Variants in BRINP2 observed in about 807,000 individuals in gnomAD.
BRINP2 encodes BMP/retinoic acid inducible neural specific 2.
BRINP2 carries 21 observed loss-of-function variants against 69.2 expected under a neutral mutation model. The observed-to-expected ratio is 0.30, with a 90% CI of 0.22 to 0.44. BRINP2 has a LOEUF of 0.44. BRINP2 is among the 20% of genes least tolerant of loss of function. BRINP2 has a pLI of 1.00. For missense variants in BRINP2, 877 were observed against 986.0 expected, an observed-to-expected ratio of 0.89 and a Z score of 1.48; for synonymous variants, 380 against 394.1, an observed-to-expected ratio of 0.96 and a Z score of 0.42.
rs146533819 is a variant in BRINP2 at position 177,218,039 on chromosome 1, C to A, written c.-76-11762C>A. Among the ~76,000 whole-genome samples, 748 of 152,284 alleles carry A rather than the reference C, an allele frequency of 4.9e-3. 10 individuals are homozygous for A. The highest frequency in any genetic ancestry group is 0.017 in the African/African-American group (717 of 41,556). On this transcript the variant is annotated intron_variant, in intron 1 of 7. Coordinates refer to ENST00000361539, the MANE Select transcript of BRINP2 (RefSeq NM_021165.4). ...TGCATGACTGAGATTTGCCTTCCTCCATGGGTGAGGTGTGGGGATGGGCTT... is the reference window on the plus strand; with the variant it reads ...TGCATGACTGAGATTTGCCTTCCTCAATGGGTGAGGTGTGGGGATGGGCTT...
Position 177,280,496 on chromosome 1 carries a change from C to G in BRINP2, c.1320C>G (p.Ser440Arg). The G allele has an allele frequency of 6.2e-7, 1 of 1,614,242 alleles. No homozygotes were observed. The highest frequency in any genetic ancestry group is 1.3e-5 in the African/African-American group (1 of 75,068). Residue 440 changes from serine (S) to arginine (R), a missense_variant, in exon 8 of 8, where the codon AGC (serine) becomes AGG (arginine). Coordinates refer to ENST00000361539, the MANE Select transcript of BRINP2 (RefSeq NM_021165.4). ...TTCCTGGCACTTTCCTGGAACAGAG[C>G]CACAGCTGCACCTGCCCCTATGACC... ...STFPGTFLEQ[S>R]HSCTCPYDQS...
At chr1:177,225,029 G>A (rs1649656305) in intron 1 of BRINP2, among the ~76,000 whole-genome samples, 1 of 152,184 alleles carries the variant, frequency 6.6e-6, no homozygotes, top group African/African-American at 2.4e-5. Context: ...AATCCTGAGT[G>A]TGTCGTCTTT....
At chr1:177,247,178 A>G (rs1391486642) in intron 2 of BRINP2, among the ~76,000 whole-genome samples, 3 of 152,332 alleles carry the variant, frequency 2.0e-5, no homozygotes, top group Non-Finnish European at 2.9e-5. Context: ...GATGTGAGGT[A>G]TATTGGTAGA....
chr1:177,274,397 C>T (rs1490943945), intron 5 of BRINP2, among the ~76,000 whole-genome samples: 1 of 152,196 alleles, frequency 6.6e-6, no homozygotes, highest in Non-Finnish European at 1.5e-5. Context: ...ATCAATAACC[C>T]TCACTCAGGA....
chr1:177,197,191 A>G (rs1456147798), intron 1 of BRINP2, among the ~76,000 whole-genome samples: 1 of 152,208 alleles, frequency 6.6e-6, no homozygotes, highest in African/African-American at 2.4e-5. Flanking sequence ...GGGAGGCCTT[A>G]GGAAGCTTCC....
chr1:177,223,192 A>G (rs1649592966), intron 1 of BRINP2, among the ~76,000 whole-genome samples: 1 of 152,250 alleles, frequency 6.6e-6, no homozygotes, highest in South Asian at 2.1e-4. Flanking sequence ...CCCGGCAGGC[A>G]AGTATGAAGC....
intron 1 of BRINP2, among the ~76,000 whole-genome samples, chr1:177,203,695 T>G (rs1648988085): frequency 6.6e-6 from 1 of 152,122 alleles, no homozygotes; most frequent in Non-Finnish European, 1.5e-5. Context: ...CATTTTTGAG[T>G]GCCGCTTATG....
At chr1:177,232,849 T>A (rs903893480) in intron 2 of BRINP2, among the ~76,000 whole-genome samples, 9 of 152,066 alleles carry the variant, frequency 5.9e-5, no homozygotes, top group Admixed American at 3.9e-4. Flanking sequence ...TCAAACAGAA[T>A]TAAGGTTTTG....
intron 2 of BRINP2, among the ~76,000 whole-genome samples, chr1:177,231,997 A>G (rs1649873044): frequency 6.6e-6 from 1 of 152,258 alleles, no homozygotes; most frequent in African/African-American, 2.4e-5. Context: ...AAAAAATCAG[A>G]AAATCCACTC....
At chr1:177,187,225 T>G (rs1256310308) in intron 1 of BRINP2, among the ~76,000 whole-genome samples, 1 of 137,710 alleles carries the variant, frequency 7.3e-6, no homozygotes, top group Non-Finnish European at 1.5e-5. Flanking sequence ...CCTAGCATAT[T>G]GTGCCCCCCT....
chr1:177,202,143 A>C (rs972085275), intron 1 of BRINP2, among the ~76,000 whole-genome samples: 5 of 152,050 alleles, frequency 3.3e-5, no homozygotes, highest in Non-Finnish European at 5.9e-5. Context: ...TGATCTTTTC[A>C]AAAAGCCAGC....
At chr1:177,207,768 C>A (rs1003468812) in intron 1 of BRINP2, among the ~76,000 whole-genome samples, 7 of 152,210 alleles carry the variant, frequency 4.6e-5, no homozygotes, top group Admixed American at 4.6e-4. Context: ...TTTCCCTGCT[C>A]CCTCAAAAAA....
At chr1:177,180,828 T>C (rs908031240) in intron 1 of BRINP2, among the ~76,000 whole-genome samples, 5 of 152,190 alleles carry the variant, frequency 3.3e-5, no homozygotes, top group African/African-American at 1.2e-4. Context: ...AGGTGATATA[T>C]TAAAATTGAT....
rs1195517265 is a variant in BRINP2 at position 177,280,454 on chromosome 1, C to T, written c.1278C>T (p.Tyr426=). The change falls in exon 8 of 8, where the codon TAC becomes TAT. Residue 426 remains tyrosine (Y), a synonymous_variant. Transcript: ENST00000361539. ...GGAACCGAATCCAGTCCCTCCTCTACTGTGGGGAAAGCACCTTTCCTGGCA... is the reference window on the plus strand; with the variant it reads ...GGAACCGAATCCAGTCCCTCCTCTATTGTGGGGAAAGCACCTTTCCTGGCA... ...YWWNRIQSLL[Y]CGESTFPGTF... is the part of the protein sequence containing the mutation. The T allele has an allele frequency of 3.1e-6, 5 of 1,613,698 alleles. No individual in the cohort carries two copies. The highest frequency in any genetic ancestry group is 1.6e-4 in the Middle Eastern group (1 of 6,082).
At chr1:177,222,698 A>G (rs2102319598) in intron 1 of BRINP2, among the ~76,000 whole-genome samples, 1 of 146,418 alleles carries the variant, frequency 6.8e-6, no homozygotes, top group South Asian at 2.1e-4. Context: ...TGTTATCTTA[A>G]AAAAAAAAAA....
intron 1 of BRINP2, among the ~76,000 whole-genome samples, chr1:177,195,125 T>C (rs1045423482): frequency 1.3e-5 from 2 of 152,198 alleles, no homozygotes; most frequent in African/African-American, 2.4e-5. Context: ...TTTTCTTCAC[T>C]GTCCTGTTTC....
At chr1:177,239,411 C>G (rs956888453) in intron 2 of BRINP2, among the ~76,000 whole-genome samples, 1 of 152,248 alleles carries the variant, frequency 6.6e-6, no homozygotes, top group South Asian at 2.1e-4. Context: ...ATCGAATCCT[C>G]TCCTGGAGGA....
At chr1:177,266,651 T>C (rs1003719941) in intron 4 of BRINP2, among the ~76,000 whole-genome samples, 1 of 149,598 alleles carries the variant, frequency 6.7e-6, no homozygotes, top group Admixed American at 6.7e-5. Flanking sequence ...TCCCAGCTAC[T>C]CGGGAGGGTG....
At chr1:177,241,206 C>T (rs1472663576) in intron 2 of BRINP2, among the ~76,000 whole-genome samples, 9 of 152,132 alleles carry the variant, frequency 5.9e-5, no homozygotes, top group Non-Finnish European at 7.4e-5. Flanking sequence ...CTCGTGACCT[C>T]GTGATCCCCC....
Sources: allele counts gnomAD v4.1 joint callset (sites outside exome capture counted in the v4.1 genomes callset), GRCh38; gene constraint gnomAD v4.1.1; transcripts MANE v1.5; gene names NCBI Gene and HGNC (gene_info 2026-07-23, HGNC 2026-07-21).